Variants in COG7 observed in about 807,000 individuals in gnomAD.
COG7 encodes conserved oligomeric Golgi complex subunit 7.
Under a neutral mutation model 91.5 loss-of-function variants are expected in COG7, and 49 were observed. The observed-to-expected ratio is 0.54, with a 90% CI of 0.43 to 0.68. The LOEUF is 0.68. Among genes scored for constraint, COG7 ranks in the 30% least tolerant of loss-of-function variants. The pLI is 0.00. For missense variants in COG7, 895 were observed against 961.3 expected, an observed-to-expected ratio of 0.93 and a Z score of 0.91; for synonymous variants, 365 against 388.7, an observed-to-expected ratio of 0.94 and a Z score of 0.72.
chr16:23,407,535 G>A lies in COG7; in HGVS notation c.1476-1273C>T, dbSNP rs764695063. Among the ~76,000 whole-genome samples, 33 of 152,218 alleles carry A rather than the reference G, an allele frequency of 2.2e-4. 1 individual carries two copies. The highest frequency in any genetic ancestry group is 3.8e-4 in the Non-Finnish European group (26 of 68,032). ...GGCATTAGAAAGGCTTGGTAGAGGA[G>A]AGGCCTTAAGGACCCCAGGAGGTTT... is the stretch of plus-strand genomic sequence containing the variant. On this transcript the variant is annotated intron_variant, in intron 11 of 16. Coordinates refer to ENST00000307149, the MANE Select transcript of COG7 (RefSeq NM_153603.4).
intron 14 of COG7, among the ~76,000 whole-genome samples, chr16:23,394,435 T>C (rs1021870789): frequency 3.3e-5 from 5 of 152,206 alleles, no homozygotes; most frequent in Admixed American, 2.0e-4. Context: ...GTGTTTTGTT[T>C]CAAAATAAGG....
intron 12 of COG7, among the ~76,000 whole-genome samples, chr16:23,405,816 C>G (rs1219008148): frequency 1.3e-5 from 2 of 152,182 alleles, no homozygotes; most frequent in Non-Finnish European, 2.9e-5. Flanking sequence ...CACACCTGGC[C>G]TAAAGCCACA....
At chr16:23,444,391 G>T (rs2142095353) in intron 3 of COG7, among the ~76,000 whole-genome samples, 1 of 151,992 alleles carries the variant, frequency 6.6e-6, no homozygotes. Context: ...TGCAGCCTCA[G>T]AAGGGGTCAA....
At chr16:23,409,238 C>T (rs1033861367) in intron 11 of COG7, among the ~76,000 whole-genome samples, 1 of 152,110 alleles carries the variant, frequency 6.6e-6, no homozygotes, top group East Asian at 1.9e-4. Flanking sequence ...GGTCAGAACG[C>T]GCTGGGCCGC....
intron 11 of COG7, among the ~76,000 whole-genome samples, chr16:23,407,679 G>C (rs1963484762): frequency 6.6e-6 from 1 of 152,196 alleles, no homozygotes; most frequent in Admixed American, 6.5e-5. Context: ...AACACGGACT[G>C]TTCTTCATTT....
At chr16:23,394,043 G>A (rs1310834112) in intron 14 of COG7, among the ~76,000 whole-genome samples, 2 of 139,544 alleles carry the variant, frequency 1.4e-5, no homozygotes, top group East Asian at 2.1e-4. Flanking sequence ...CAAAAAAAAA[G>A]AGACTCTGTC....
chr16:23,420,542 G>A (rs1048129408), intron 7 of COG7, among the ~76,000 whole-genome samples: 3 of 152,060 alleles, frequency 2.0e-5, no homozygotes, highest in African/African-American at 7.2e-5. Flanking sequence ...TGTCTGGAAG[G>A]ACCGGCTTCG....
intron 3 of COG7, among the ~76,000 whole-genome samples, chr16:23,443,033 C>CAA (rs11411846): frequency 2.3e-4 from 33 of 142,664 alleles, no homozygotes; most frequent in Admixed American, 9.2e-4. Context: ...GACCCCGTCT[C>CAA]AAAAAAAAAA....
rs778121380 is a variant in COG7 at position 23,424,920 on chromosome 16, T to C, written c.838A>G (p.Met280Val). The change falls in exon 7 of 17, where the codon ATG becomes GTG. Residue 280 changes from methionine to valine, a missense_variant. Met to Val is a conservative substitution (Grantham distance 21, BLOSUM62 1). Transcript: ENST00000307149. ...QVFQKPHEVV[M>V]VLLIQTLGAL... ...CCCAGGGTCTGAATCAGCAGCACCA[T>C]TACCACCTCGTGGGGCTTCTGGAAA... is the stretch of plus-strand genomic sequence containing the variant. The C allele has an allele frequency of 4.3e-5, 70 of 1,612,206 alleles. No homozygotes were observed. Among genetic ancestry groups the C allele is most frequent in the Non-Finnish European group, 5.5e-5 (65 of 1,179,128 alleles).
chr16:23,410,602 A>G (rs772568181), intron 10 of COG7, among the ~76,000 whole-genome samples: 2 of 152,158 alleles, frequency 1.3e-5, no homozygotes, highest in Non-Finnish European at 2.9e-5. Context: ...CGAAAGCACA[A>G]TTCTATCCAT....
rs752403903 is a variant in COG7 at position 23,452,921 on chromosome 16, G to A, written c.74C>T (p.Ser25Phe). The change falls in exon 1 of 17, where the codon TCC (serine) becomes TTC (phenylalanine). Residue 25 changes from serine (S) to phenylalanine (F), a missense_variant. Physicochemically the swap from Ser to Phe is radical, Grantham distance 155 (BLOSUM62 -2). Coordinates refer to ENST00000307149, the MANE Select transcript of COG7 (RefSeq NM_153603.4). The stretch of plus-strand genomic sequence containing the variant: ...CGCCTTCCCGGACGCCGCCTCCTTG[G>A]AGCCGGCCCTGAAGGCCGCATTGAT... Reference protein sequence around the residue: ...EWINAAFRAGSKEAASGKADG... With the variant: ...EWINAAFRAGFKEAASGKADG... 2.9e-5 allele frequency: 46 copies of A among 1,613,968 alleles called. No homozygotes were observed. The highest frequency in any genetic ancestry group is 8.3e-5 in the Admixed American group (5 of 60,010).
At chr16:23,450,865 T>C (rs1596962524) in intron 1 of COG7, among the ~76,000 whole-genome samples, 1 of 147,860 alleles carries the variant, frequency 6.8e-6, no homozygotes, top group Admixed American at 6.8e-5. Context: ...CAATCTGCAG[T>C]GAAATAGAGC....
chr16:23,442,675 T>C, intron 3 of COG7, 30 bp from the exon 4 acceptor site: 10 of 1,582,208 alleles, frequency 6.3e-6, no homozygotes, highest in Non-Finnish European at 7.0e-6. Context: ...AGAATATTTA[T>C]TTTAAATGAT....
At chr16:23,435,264 G>A (rs1478471040) in intron 4 of COG7, among the ~76,000 whole-genome samples, 1 of 152,096 alleles carries the variant, frequency 6.6e-6, no homozygotes, top group Non-Finnish European at 1.5e-5. Context: ...CTCCTTGGGA[G>A]GCTGAGGGAG....
intron 4 of COG7, among the ~76,000 whole-genome samples, chr16:23,440,022 G>A (rs117613199): frequency 1.1e-3 from 161 of 150,284 alleles, no homozygotes; most frequent in Non-Finnish European, 2.0e-3. Flanking sequence ...GCTGAGGTGT[G>A]AGGATCACTT....
At chr16:23,403,625 C>T in intron 13 of COG7, 69 bp downstream of exon 13, 3 of 1,590,314 alleles carry the variant, frequency 1.9e-6, no homozygotes, top group Non-Finnish European at 2.6e-6. Context: ...GAGGGTTAAG[C>T]CCACACTCAG....
Position 23,409,088 on chromosome 16 carries a change from T to TGTGTGTGTGTGTGTGTGCGC in COG7, c.1475+1206_1475+1207insGCGCACACACACACACACAC, listed in dbSNP as rs567307217. On this transcript the variant is annotated intron_variant, in intron 11 of 16. Transcript: ENST00000307149. ...GCGTGTGTGTGTGTGTGTGTGTGTG[T>TGTGTGTGTGTGTGTGTGCGC]GCGTGCATGTGTGTGTGTGTGTGTG... Among the ~76,000 whole-genome samples the TGTGTGTGTGTGTGTGTGCGC allele has an allele frequency of 4.1e-3, 607 of 147,876 alleles. 2 individuals are homozygous for TGTGTGTGTGTGTGTGTGCGC. The highest frequency in any genetic ancestry group is 6.6e-3 in the African/African-American group (262 of 39,544).
rs1421130050 is a variant in COG7, at chr16:23,453,181, A to G, written c.-187T>C. ...CAGCGCACTCAGTTTGCGGCTGGGA[A>G]TGACCCTCGCCGCCCGCCGTTCTTC... On this transcript the variant is annotated 5_prime_UTR_variant, in exon 1 of 17. Coordinates refer to ENST00000307149, the MANE Select transcript of COG7 (RefSeq NM_153603.4). 3.0e-6 allele frequency: 4 copies of G among 1,343,902 alleles called. No homozygotes were observed. The allele number at this position is 1,343,902 out of a possible 1,614,324, so 83.2% of individuals were successfully genotyped here. A position where few individuals can be genotyped will look rare whatever the true frequency, so the allele number is the denominator to read the frequency against.
chr16:23,447,072 A>G (rs1249653937), intron 1 of COG7: 1 of 151,948 alleles, frequency 6.6e-6, no homozygotes, highest in East Asian at 1.9e-4. Flanking sequence ...AAATATACCC[A>G]TTACTCATCA....
Sources: gnomAD v4.1 joint callset for allele counts (sites outside exome capture counted in the v4.1 genomes callset) on GRCh38, gnomAD v4.1.1 for gene constraint, MANE v1.5 for transcripts, NCBI Gene and HGNC (gene_info 2026-07-23, HGNC 2026-07-21) for gene names.